Variants in PRKAR1B observed in about 807,000 individuals in gnomAD.
PRKAR1B encodes the protein protein kinase cAMP-dependent type I regulatory subunit beta, also known as cAMP-dependent protein kinase type I-beta regulatory subunit.
Under a neutral mutation model 46.5 loss-of-function variants are expected in PRKAR1B, and 22 were observed. The ratio of observed to expected loss-of-function variants is 0.47; its 90% CI spans 0.34 to 0.68. The LOEUF is 0.68. Among genes scored for constraint, PRKAR1B ranks in the 30% least tolerant of loss-of-function variants. The pLI, the probability that PRKAR1B is intolerant of heterozygous loss-of-function variation, is 0.01. For missense variants in PRKAR1B, 445 were observed against 535.6 expected, an observed-to-expected ratio of 0.83 and a Z score of 1.67; for synonymous variants, 259 against 217.7, an observed-to-expected ratio of 1.19 and a Z score of -1.67.
chr7:607,508 C>A, intron 4 of PRKAR1B, 56 bp from the exon 5 acceptor site: 1 of 1,415,492 alleles, frequency 7.1e-7, no homozygotes, highest in South Asian at 1.2e-5. Context: ...ACATTTAAAC[C>A]CTTCCTCCCC....
chr7:609,581 A>T (rs919677134), intron 4 of PRKAR1B, among the ~76,000 whole-genome samples: 1 of 152,234 alleles, frequency 6.6e-6, no homozygotes, highest in African/African-American at 2.4e-5. Context: ...CACCCGTGAA[A>T]AGCGTGCATT....
intron 9 of PRKAR1B, among the ~76,000 whole-genome samples, chr7:556,890 G>A (rs1001499581): frequency 6.6e-6 from 1 of 152,218 alleles, no homozygotes; most frequent in Non-Finnish European, 1.5e-5. Context: ...AAAAGACACA[G>A]GTGCCTCCCC....
At chr7:706,119 A>C (rs888573428) in intron 2 of PRKAR1B, among the ~76,000 whole-genome samples, 1 of 152,108 alleles carries the variant, frequency 6.6e-6, no homozygotes, top group African/African-American at 2.4e-5. Context: ...TGAGCTCAGG[A>C]GTTCAAGACC....
intron 2 of PRKAR1B, among the ~76,000 whole-genome samples, chr7:702,641 G>A (rs1360559672): frequency 6.6e-6 from 1 of 152,074 alleles, no homozygotes; most frequent in Non-Finnish European, 1.5e-5. Context: ...GGCTAACACG[G>A]TGAAACCCTG....
At chr7:630,179 C>G (rs576706247) in intron 4 of PRKAR1B, among the ~76,000 whole-genome samples, 1 of 152,242 alleles carries the variant, frequency 6.6e-6, no homozygotes. Flanking sequence ...CCCCACCTCC[C>G]CCTTCCAGGA....
chr7:635,141 T>C (rs1009507169), intron 4 of PRKAR1B, among the ~76,000 whole-genome samples: 1 of 152,084 alleles, frequency 6.6e-6, no homozygotes, highest in Non-Finnish European at 1.5e-5. Context: ...AAACAATAAA[T>C]AAAATTAGGA....
intron 4 of PRKAR1B, among the ~76,000 whole-genome samples, chr7:629,312 C>T (rs111599947): frequency 6.0e-5 from 9 of 150,426 alleles, no homozygotes; most frequent in Non-Finnish European, 8.9e-5. Flanking sequence ...GGCTGGAAAA[C>T]GCTGCAGGAG....
At position 677,320 on chromosome 7, in the gene PRKAR1B, C is replaced by A. The variant is rs557752784; in HGVS notation, c.349G>T (p.Val117Leu). The change falls in exon 4 of 11, where the codon GTG (valine) becomes TTG (leucine). Residue 117 changes from valine to leucine, a missense_variant and splice_region_variant. Physicochemically the swap from Val to Leu is conservative, Grantham distance 32. This residue lies in a region of PRKAR1B where 94 missense variants were observed against 126.9 expected (regional missense o/e 0.74). Coordinates refer to ENST00000537384, the MANE Select transcript of PRKAR1B (RefSeq NM_001164760.2). Reference protein sequence around the residue: ...EEDAVSYVRKVIPKDYKTMTA... With the variant: ...EEDAVSYVRKLIPKDYKTMTA... ...ATGGTTTTGTAGTCCTTGGGAATCA[C>A]CTGAAGCGGAGCCAACACATCACCG... 6.2e-7 allele frequency: 1 copy of A among 1,614,210 alleles called. No homozygotes were observed. Among genetic ancestry groups the A allele is most frequent in the East Asian group, 2.2e-5 (1 of 44,886 alleles).
intron 9 of PRKAR1B, among the ~76,000 whole-genome samples, chr7:574,101 C>T (rs746334251): frequency 2.0e-5 from 3 of 152,262 alleles, no homozygotes; most frequent in Non-Finnish European, 2.9e-5. Flanking sequence ...CCACGATCCA[C>T]GCCCCCCACA....
intron 4 of PRKAR1B, among the ~76,000 whole-genome samples, chr7:640,561 G>A (rs934482513): frequency 3.3e-5 from 5 of 152,044 alleles, no homozygotes; most frequent in African/African-American, 4.8e-5. Context: ...TCAGGAGTTC[G>A]AGACCAACCT....
chr7:642,658 G>C (rs1583345869), intron 4 of PRKAR1B, among the ~76,000 whole-genome samples: 1 of 150,718 alleles, frequency 6.6e-6, no homozygotes, highest in East Asian at 1.9e-4. Context: ...CCGGGAGGCG[G>C]AGCTTGCAGT....
intron 2 of PRKAR1B, among the ~76,000 whole-genome samples, chr7:680,952 C>T (rs1038404675): frequency 6.6e-6 from 1 of 152,120 alleles, no homozygotes; most frequent in African/African-American, 2.4e-5. Context: ...TTGTGTCCCC[C>T]ACCAAATCTC....
intron 1 of PRKAR1B, among the ~76,000 whole-genome samples, chr7:721,489 A>C (rs1781069871): frequency 6.6e-6 from 1 of 152,134 alleles, no homozygotes; most frequent in Admixed American, 6.5e-5. Context: ...TCTCTACTAA[A>C]AATAAAAAAA....
chr7:682,457 A>T (rs1040692991), intron 2 of PRKAR1B, among the ~76,000 whole-genome samples: 2 of 152,104 alleles, frequency 1.3e-5, no homozygotes, highest in African/African-American at 4.8e-5. Flanking sequence ...CTCAAAAAAA[A>T]TTTGTTGGCC....
chr7:703,155 C>G (rs1780149909), intron 2 of PRKAR1B, among the ~76,000 whole-genome samples: 1 of 152,006 alleles, frequency 6.6e-6, no homozygotes, highest in African/African-American at 2.4e-5. Context: ...TTACCAGGAA[C>G]AAAGAGAAAC....
chr7:602,096 A>C lies in PRKAR1B; in HGVS notation c.549+4097T>G, dbSNP rs1029430264. Among the ~76,000 whole-genome samples the C allele has an allele frequency of 1.3e-5, 2 of 151,942 alleles. No homozygotes were observed. Among genetic ancestry groups the C allele is most frequent in the Non-Finnish European group, 2.9e-5 (2 of 67,982 alleles). On this transcript the variant is annotated intron_variant, in intron 6 of 10. Transcript: ENST00000537384. This position sits in a 1 kb window ranked among gnomAD's most constrained non-coding sequence, Gnocchi z 6.4. ...AGGACGCCACGACGCGTCGTGTCTG[A>C]GAGAAAACCGTCTCCCCTCCACTCA...
At chr7:555,793 G>A (rs978673880) in intron 9 of PRKAR1B, among the ~76,000 whole-genome samples, 7 of 152,310 alleles carry the variant, frequency 4.6e-5, no homozygotes, top group South Asian at 2.1e-4. Flanking sequence ...AGCCCTACCC[G>A]AAGGCTGCAG....
intron 9 of PRKAR1B, among the ~76,000 whole-genome samples, chr7:561,695 C>T (rs1030530708): frequency 2.0e-5 from 3 of 152,102 alleles, no homozygotes; most frequent in Admixed American, 6.5e-5. Flanking sequence ...AGCGAAAACA[C>T]ACTTCAGCGG....
chr7:706,881 A>G (rs1780359235), intron 2 of PRKAR1B, among the ~76,000 whole-genome samples: 1 of 152,176 alleles, frequency 6.6e-6, no homozygotes, highest in Admixed American at 6.5e-5. Context: ...AGCCTCACAA[A>G]CATGCACCCT....
Sources: allele counts gnomAD v4.1 joint callset (sites outside exome capture counted in the v4.1 genomes callset), GRCh38; gene constraint gnomAD v4.1.1; regional missense constraint gnomAD v4.1.1; non-coding constraint Gnocchi (gnomAD v3.1); transcripts MANE v1.5; gene names NCBI Gene and HGNC (gene_info 2026-07-23, HGNC 2026-07-21).